NUTM1: variants seen among roughly 807,000 people sequenced by gnomAD.
NUTM1 encodes the protein NUT midline carcinoma family member 1, also known as NUT family member 1.
In NUTM1, 39 loss-of-function variants were observed where a neutral mutation model predicts 88.7. The observed-to-expected ratio is 0.44, with a 90% CI of 0.34 to 0.57. The LOEUF is 0.57. Ranked by LOEUF, NUTM1 falls within the 20% of genes least tolerant of loss-of-function variation. The pLI is 0.01. For missense variants in NUTM1, 1,350 were observed against 1,414.5 expected (o/e 0.95, Z 0.73); for synonymous variants, 494 against 538.0 (o/e 0.92, Z 1.13).
chr15:34,348,559 C>A lies in NUTM1; in HGVS notation c.691C>A (p.Arg231Ser). The A allele has an allele frequency of 6.2e-7, 1 of 1,613,912 alleles. No individual in the cohort carries two copies. The highest frequency in any genetic ancestry group is 8.5e-7 in the Non-Finnish European group (1 of 1,180,016). The change falls in exon 3 of 8, where the codon CGC becomes AGC. Residue 231 changes from arginine to serine, a missense_variant. Around this residue, in one of 5 missense-constraint regions of NUTM1, gnomAD observed 399 missense variants for 397.9 expected, o/e 1.00. Coordinates refer to ENST00000537011, the MANE Select transcript of NUTM1 (RefSeq NM_001284292.2). The stretch of plus-strand genomic sequence containing the variant: ...TCTATCCAAGCCTTCCCTAGGTGAC[C>A]GCTCCAAAATTTCCAAGGACGTTTA... ...ATLSKPSLGDRSKISKDVYEN... is the reference protein window; with the variant it reads ...ATLSKPSLGDSSKISKDVYEN...
At chr15:34,354,951 T>C in intron 6 of NUTM1, 70 bp from the exon 7 acceptor site, 1 of 1,251,978 alleles carries the variant, frequency 8.0e-7, no homozygotes, top group South Asian at 1.2e-5. Context: ...TCTTAGTTTC[T>C]TCTGTAAAGC....
At chr15:34,345,434 A>C (rs1890568062) in intron 1 of NUTM1, among the ~76,000 whole-genome samples, 1 of 152,222 alleles carries the variant, frequency 6.6e-6, no homozygotes, top group African/African-American at 2.4e-5. Flanking sequence ...TGCACACAGC[A>C]ATCGAGCACC....
At chr15:34,353,984 T>G in intron 5 of NUTM1, 112 bp downstream of exon 5, 15 of 1,214,302 alleles carry the variant, frequency 1.2e-5, no homozygotes, top group Non-Finnish European at 1.7e-5. Flanking sequence ...ACTTTCCCTC[T>G]GGAGAGTGGC....
chr15:34,349,887 G>T (rs1890675526), intron 3 of NUTM1, among the ~76,000 whole-genome samples: 1 of 152,182 alleles, frequency 6.6e-6, no homozygotes, highest in African/African-American at 2.4e-5. Flanking sequence ...CTCAAGGTTT[G>T]CATGGGATCC....
chr15:34,352,110 CG>C (rs1890720691), intron 4 of NUTM1, among the ~76,000 whole-genome samples: 1 of 152,148 alleles, frequency 6.6e-6, no homozygotes, highest in Non-Finnish European at 1.5e-5. Context: ...GCAGAGGTTG[CG>C]GTGAGCCGAG....
In NUTM1 at chr15:34,355,966, A is replaced by G; in HGVS notation, c.1958A>G (p.Gln653Arg). 1 of 1,614,136 alleles carries G rather than the reference A, an allele frequency of 6.2e-7. No individual in the cohort carries two copies. The highest frequency in any genetic ancestry group is 8.5e-7 in the Non-Finnish European group (1 of 1,179,996). Residue 653 changes from glutamine to arginine, a missense_variant, in exon 8 of 8, where the codon CAG becomes CGG. Physicochemically the swap from Gln to Arg is conservative, Grantham distance 43 (BLOSUM62 1). Transcript: ENST00000537011. This position sits in a 1 kb window ranked among gnomAD's most constrained non-coding sequence, Gnocchi z 4.3. ...RTSEALPLCW[Q>R]GGFQPESTPS... ...TCAGAGGCTCTGCCCCTTTGTTGGC[A>G]GGGAGGCTTCCAGCCTGAGAGCACT...
Position 34,347,981 on chromosome 15 carries a change from C to T in NUTM1, c.113C>T (p.Pro38Leu), listed in dbSNP as rs755224625. The T allele has an allele frequency of 1.4e-5, 22 of 1,607,728 alleles. No homozygotes were observed. The East Asian group carries it at 2.0e-4, about 15-fold the overall frequency. The change falls in exon 3 of 8, where the codon CCG becomes CTG. Residue 38 changes from proline to leucine, a missense_variant. By Grantham distance (98) the Pro-to-Leu change is moderately conservative (BLOSUM62 -3). Coordinates refer to ENST00000537011, the MANE Select transcript of NUTM1 (RefSeq NM_001284292.2). Reference protein sequence around the residue: ...RMASDGASALPGPDMSMKPSA... With the variant: ...RMASDGASALLGPDMSMKPSA... ...TTTGTCTCAACAGCATCTGCATTGC[C>T]GGGACCGGATATGAGCATGAAACCT...
In NUTM1 at chr15:34,355,531, C is replaced by T. The variant is rs1157089330; in HGVS notation, c.1523C>T (p.Ala508Val). The T allele has an allele frequency of 2.5e-6, 4 of 1,614,042 alleles. No individual in the cohort carries two copies. In the South Asian group the frequency reaches 3.3e-5, roughly 13 times the overall value. Residue 508 changes from alanine (A) to valine (V), a missense_variant, in exon 8 of 8, where the codon GCA (alanine) becomes GTA (valine). Transcript: ENST00000537011. The surrounding 1 kb of genome is among the most constrained non-coding windows in gnomAD (Gnocchi z 4.3). ...RLMALEEEED[A>V]EAPPSFSGAQ... is the part of the protein sequence containing the mutation. ...ATGGCCTTGGAAGAGGAGGAAGATG[C>T]AGAGGCGCCTCCAAGTTTCAGTGGC...
rs1276532599 is a variant in NUTM1, at chr15:34,350,805, G to T, written c.911G>T (p.Arg304Leu). The T allele has an allele frequency of 1.2e-6, 2 of 1,614,064 alleles. No homozygotes were observed. The highest frequency in any genetic ancestry group is 2.2e-5 in the South Asian group (2 of 91,070). The change falls in exon 4 of 8, where the codon CGG (arginine) becomes CTG (leucine). Residue 304 changes from arginine (R) to leucine (L), a missense_variant. By Grantham distance (102) the Arg-to-Leu change is moderately radical. Around this residue, in one of 5 missense-constraint regions of NUTM1, gnomAD observed 399 missense variants for 397.9 expected, o/e 1.00. Coordinates refer to ENST00000537011, the MANE Select transcript of NUTM1 (RefSeq NM_001284292.2). ...TGGGAGCACACCAGCAACTTTGACC[G>T]GATGATCTTTTATGAGATGGCAGAA... is the stretch of plus-strand genomic sequence containing the variant. ...QEWEHTSNFDRMIFYEMAERF... is the reference protein window; with the variant it reads ...QEWEHTSNFDLMIFYEMAERF...
chr15:34,354,504 A>G lies in NUTM1; in HGVS notation c.1134A>G (p.Lys378=). 6.2e-7 allele frequency: 1 copy of G among 1,614,190 alleles called. No individual in the cohort carries two copies. Among genetic ancestry groups the G allele is most frequent in the Middle Eastern group, 1.6e-4 (1 of 6,062 alleles). ...KTRAPRRRQR[K]AQRPPAPEAP... is the part of the protein sequence containing the mutation. ...GGGCCCCCCGCCGGCGTCAGCGTAA[A>G]GCCCAGAGACCTCCTGCTCCTGAGG... Residue 378 remains lysine (K), a synonymous_variant, in exon 6 of 8, where the codon AAA becomes AAG. Coordinates refer to ENST00000537011, the MANE Select transcript of NUTM1 (RefSeq NM_001284292.2).
chr15:34,350,890 G>T (rs537198531), intron 4 of NUTM1, 58 bp downstream of exon 4: 4 of 1,606,588 alleles, frequency 2.5e-6, no homozygotes, highest in Admixed American at 1.7e-5. Flanking sequence ...GAGCAGTAAG[G>T]GCCGCAGAGA....
rs767389320 is a variant in NUTM1 at position 34,350,697 on chromosome 15, G to A, written c.810-7G>A. The stretch of plus-strand genomic sequence containing the variant: ...TTAGAATGTGACTGACTCAATGGGG[G>A]TTTTAGCCCAGTGCTTCGTTCCCTG... On this transcript the variant is annotated splice_polypyrimidine_tract_variant and splice_region_variant and intron_variant, in intron 3 of 7. Coordinates refer to ENST00000537011, the MANE Select transcript of NUTM1 (RefSeq NM_001284292.2). The A allele has an allele frequency of 4.3e-6, 7 of 1,610,954 alleles. No homozygotes were observed. The African/African-American group carries it at 8.0e-5, about 18-fold the overall frequency.
chr15:34,343,630 A>G lies in NUTM1; in HGVS notation c.-67A>G. Reference sequence around the variant, plus strand: ...TAAAGTTATTTTATGAAACTGGTGAAGCATGTTTCAGCGGTCGAACCAAGA... The same window carrying G: ...TAAAGTTATTTTATGAAACTGGTGAGGCATGTTTCAGCGGTCGAACCAAGA... On this transcript the variant is annotated 5_prime_UTR_variant, in exon 1 of 8. Coordinates refer to ENST00000537011, the MANE Select transcript of NUTM1 (RefSeq NM_001284292.2). 1 of 1,535,266 alleles carries G rather than the reference A, an allele frequency of 6.5e-7. No homozygotes were observed. The highest frequency in any genetic ancestry group is 8.7e-7 in the Non-Finnish European group (1 of 1,146,518).
At chr15:34,347,620 G>A (rs1385567309) in intron 2 of NUTM1, among the ~76,000 whole-genome samples, 1 of 152,198 alleles carries the variant, frequency 6.6e-6, no homozygotes, top group Non-Finnish European at 1.5e-5. Context: ...TTGGGAGGCC[G>A]AAGCAGGCGG....
intron 1 of NUTM1, among the ~76,000 whole-genome samples, chr15:34,344,928 C>G (rs1376820143): frequency 6.6e-6 from 1 of 151,210 alleles, no homozygotes. Context: ...TGAGGCAGGA[C>G]AATGGCGTGA....
Position 34,353,875 on chromosome 15 carries a change from G to A in NUTM1, c.1075+3G>A, listed in dbSNP as rs747898827. ...CTCTGAGGTTTGCCAGCAGCCAGGT[G>A]AGGCTACCCAATTTTGACAGGAGCC... On this transcript the variant is annotated splice_donor_region_variant and intron_variant, in intron 5 of 7. Coordinates refer to ENST00000537011, the MANE Select transcript of NUTM1 (RefSeq NM_001284292.2). 4 of 1,613,148 alleles carry A rather than the reference G, an allele frequency of 2.5e-6. No homozygotes were observed. The highest frequency in any genetic ancestry group is 3.4e-6 in the Non-Finnish European group (4 of 1,179,988).
chr15:34,350,706 C>G lies in NUTM1; in HGVS notation c.812C>G (p.Pro271Arg). The G allele has an allele frequency of 1.2e-6, 2 of 1,611,542 alleles. No individual in the cohort carries two copies. Among genetic ancestry groups the G allele is most frequent in the Non-Finnish European group, 8.5e-7 (1 of 1,179,576 alleles). Reference protein sequence around the residue: ...DTEALSCFLIPVLRSLARLKP... With the variant: ...DTEALSCFLIRVLRSLARLKP... ...GACTGACTCAATGGGGGTTTTAGCCCAGTGCTTCGTTCCCTGGCCCGGCTG... is the reference window on the plus strand; with the variant it reads ...GACTGACTCAATGGGGGTTTTAGCCGAGTGCTTCGTTCCCTGGCCCGGCTG... Residue 271 changes from proline (P) to arginine (R), a missense_variant and splice_region_variant, in exon 4 of 8, where the codon CCA becomes CGA. By Grantham distance (103) the Pro-to-Arg change is moderately radical (BLOSUM62 -2). This residue lies in a region of NUTM1 where 399 missense variants were observed against 397.9 expected (regional missense o/e 1.00). Transcript: ENST00000537011.
At position 34,357,605 on chromosome 15, in the gene NUTM1, ATGT is replaced by A; in HGVS notation, c.*119_*121del. 1 of 1,587,108 alleles carries A rather than the reference ATGT, an allele frequency of 6.3e-7. No individual in the cohort carries two copies. The highest frequency in any genetic ancestry group is 8.6e-7 in the Non-Finnish European group (1 of 1,167,776). On this transcript the variant is annotated 3_prime_UTR_variant, in exon 8 of 8. Coordinates refer to ENST00000537011, the MANE Select transcript of NUTM1 (RefSeq NM_001284292.2). Reference sequence around the variant, plus strand: ...AATCCCAATGTTGAATCTCATCCCAATGTTGTTTTGTTGTTCTGCAAAAGTGGC... The same window carrying A: ...AATCCCAATGTTGAATCTCATCCCAATGTTTTGTTGTTCTGCAAAAGTGGC...
rs761868298 is a variant in NUTM1, at chr15:34,353,724, C to T, written c.939-12C>T. 2.5e-6 allele frequency: 4 copies of T among 1,613,964 alleles called. No individual in the cohort carries two copies. The South Asian group carries it at 3.3e-5, about 13-fold the overall frequency. On this transcript the variant is annotated splice_polypyrimidine_tract_variant and intron_variant, in intron 4 of 7. Coordinates refer to ENST00000537011, the MANE Select transcript of NUTM1 (RefSeq NM_001284292.2). ...TTCTCAGCATTGCCTATGCCTTTCT[C>T]ACCCTCTGCAGGTTCATGGAGTTTG...
Sources: gnomAD v4.1 joint callset for allele counts (sites outside exome capture counted in the v4.1 genomes callset) on GRCh38, gnomAD v4.1.1 for gene constraint, gnomAD v4.1.1 regional missense constraint, Gnocchi (gnomAD v3.1) non-coding constraint, MANE v1.5 for transcripts, NCBI Gene and HGNC (gene_info 2026-07-23, HGNC 2026-07-21) for gene names.